The following CCDC187 variants were observed in gnomAD, a reference collection of about 807,000 sequenced individuals.
The protein encoded by CCDC187 is coiled-coil domain-containing protein 187.
A neutral mutation model predicts 38.0 loss-of-function variants in CCDC187; 32 were observed. That is an observed-to-expected ratio of 0.84 (90% CI 0.64 to 1.13). The LOEUF (loss-of-function observed/expected upper bound fraction) is 1.13. CCDC187 is among the 50% of genes most tolerant of loss of function. CCDC187 has a pLI of 0.00. For synonymous variants in CCDC187, 333 were observed against 347.9 expected (o/e 0.96, Z 0.48); for missense variants, 707 against 786.8 (o/e 0.90, Z 1.21).
chr9:136,273,235 T>C (rs953752178), intron 14 of CCDC187, among the ~76,000 whole-genome samples: 1 of 152,222 alleles, frequency 6.6e-6, no homozygotes, highest in African/African-American at 2.4e-5. Flanking sequence ...GCCAGATTGA[T>C]TTTTTTAAGC....
Position 136,257,373 on chromosome 9 carries a change from A to ATTT in CCDC187, c.4367-533_4367-532insAAA, listed in dbSNP as rs1830625524. ...GGGAGAGAGTGAGACTTTGTCTCAA[A>ATTT]ATTATAATAATAATAATAATAATAA... On this transcript the variant is annotated intron_variant, in intron 22 of 25. Coordinates refer to ENST00000638797, the MANE Select transcript of CCDC187 (RefSeq NM_001378188.1). This position sits in a 1 kb window ranked among gnomAD's most constrained non-coding sequence, Gnocchi z 4.5. Among the ~76,000 whole-genome samples, 1 of 97,734 alleles carries ATTT rather than the reference A, an allele frequency of 1.0e-5. No homozygotes were observed. The highest frequency in any genetic ancestry group is 3.5e-5 in the African/African-American group (1 of 28,294). The allele number at this position is 97,734 out of a possible 152,430, so 64.1% of individuals were successfully genotyped here.
At chr9:136,293,342 C>CATGCTCACACACAT (rs1831404387) in intron 4 of CCDC187, among the ~76,000 whole-genome samples, 1 of 147,864 alleles carries the variant, frequency 6.8e-6, no homozygotes, top group African/African-American at 2.5e-5. Flanking sequence ...CACACTCACA[C>CATGCTCACACACAT]TCACATGCTC....
In CCDC187 at chr9:136,286,631, C is replaced by A; in HGVS notation, c.2287G>T (p.Gly763Cys). The change falls in exon 8 of 26, where the codon GGC becomes TGC. Residue 763 changes from glycine (G) to cysteine (C), a missense_variant. Coordinates refer to ENST00000638797, the MANE Select transcript of CCDC187 (RefSeq NM_001378188.1). ...GGGGCATCCCGGCCATCTTGGGGGC[C>A]CCCCATCCCTGGGGGATCTAGGGTC... The part of the protein sequence containing the change: ...AETLDPPGMG[G>C]PQDGRDAPVL... 2.5e-6 allele frequency: 1 copy of A among 398,762 alleles called. No homozygotes were observed. Among genetic ancestry groups the A allele is most frequent in the Non-Finnish European group, 4.4e-6 (1 of 226,192 alleles). The allele number at this position is 398,762 out of a possible 1,614,324, so 24.7% of individuals were successfully genotyped here.
rs1831415740 is a variant in CCDC187 at position 136,293,404 on chromosome 9, A to ACATGCTCACAC, written c.833-1110_833-1109insGTGTGAGCATG. ...ACACTCACATGCTCACACACTCACA[A>ACATGCTCACAC]ACACTCACATGCTCACATACTCTCA... is the stretch of plus-strand genomic sequence containing the variant. On this transcript the variant is annotated intron_variant, in intron 4 of 25. Transcript: ENST00000638797. 1.0e-3 allele frequency among the ~76,000 whole-genome samples: 55 copies of ACATGCTCACAC among 52,974 alleles called. 1 individual carries two copies. The highest frequency in any genetic ancestry group is 4.0e-3 in the African/African-American group (53 of 13,302). The allele number at this position is 52,974 out of a possible 152,430, so 34.8% of individuals were successfully genotyped here.
chr9:136,292,759 G>A (rs969440834), intron 4 of CCDC187, among the ~76,000 whole-genome samples: 34 of 152,174 alleles, frequency 2.2e-4, no homozygotes, highest in Non-Finnish European at 4.6e-4. Flanking sequence ...TCCTGTCACC[G>A]CTGGCCACGT....
chr9:136,260,848 A>G (rs77582558), intron 19 of CCDC187, among the ~76,000 whole-genome samples: 2,730 of 152,190 alleles, frequency 0.018, 69 homozygotes, highest in East Asian at 0.098. Flanking sequence ...GATGCAGCTG[A>G]GGGGCTGCAG....
chr9:136,274,435 C>T (rs1273518532), intron 14 of CCDC187, among the ~76,000 whole-genome samples: 3 of 152,248 alleles, frequency 2.0e-5, no homozygotes, highest in Admixed American at 6.5e-5. Context: ...CGGGCTCAAG[C>T]GATGCCAGGG....
chr9:136,255,459 A>G (rs2131105441), intron 25 of CCDC187, among the ~76,000 whole-genome samples, 198 bp downstream of exon 25: 1 of 152,324 alleles, frequency 6.6e-6, no homozygotes, highest in Admixed American at 6.5e-5. Flanking sequence ...GGATCCAGAC[A>G]GAGGATCCCT....
chr9:136,268,690 T>TAC (rs1554761983), intron 14 of CCDC187, among the ~76,000 whole-genome samples: 1 of 152,156 alleles, frequency 6.6e-6, no homozygotes, highest in African/African-American at 2.4e-5. Flanking sequence ...ATCACGTAAA[T>TAC]ACACACACAC....
intron 10 of CCDC187, among the ~76,000 whole-genome samples, chr9:136,279,968 G>T (rs1831007476): frequency 6.6e-6 from 1 of 152,056 alleles, no homozygotes; most frequent in Non-Finnish European, 1.5e-5. Flanking sequence ...CAGCAAGAAG[G>T]CCCTTGCCAG....
intron 7 of CCDC187, among the ~76,000 whole-genome samples, chr9:136,289,159 C>G (rs932543061): frequency 1.3e-5 from 2 of 152,216 alleles, no homozygotes; most frequent in Non-Finnish European, 2.9e-5. Flanking sequence ...GCCTGGAAAA[C>G]GTTATCCTCG....
chr9:136,292,311 C>T lies in CCDC187; in HGVS notation c.833-16G>A. On this transcript the variant is annotated splice_polypyrimidine_tract_variant and intron_variant, in intron 4 of 25. Coordinates refer to ENST00000638797, the MANE Select transcript of CCDC187 (RefSeq NM_001378188.1). ...AGCTCCGAATCTTAAACAGAGAAAACATACACACAGCCGGGCGCCCCATGG... is the reference window on the plus strand; with the variant it reads ...AGCTCCGAATCTTAAACAGAGAAAATATACACACAGCCGGGCGCCCCATGG... 2.5e-6 allele frequency: 1 copy of T among 398,688 alleles called. No individual in the cohort carries two copies. The highest frequency in any genetic ancestry group is 4.4e-6 in the Non-Finnish European group (1 of 226,098). 24.7% of individuals were successfully genotyped at this position (398,688 alleles called of 1,614,324 possible).
chr9:136,292,861 G>A (rs1236060589), intron 4 of CCDC187, among the ~76,000 whole-genome samples: 1 of 152,218 alleles, frequency 6.6e-6, no homozygotes, highest in Non-Finnish European at 1.5e-5. Context: ...GGCTGGCAGG[G>A]CAGGGAGTCC....
At chr9:136,294,891 G>C (rs941946967) in intron 4 of CCDC187, among the ~76,000 whole-genome samples, 3 of 152,214 alleles carry the variant, frequency 2.0e-5, no homozygotes, top group Non-Finnish European at 4.4e-5. Context: ...TTTAGGGCGT[G>C]GTCTCAGGAT....
Position 136,262,429 on chromosome 9 carries a change from C to G in CCDC187, c.3946G>C (p.Gly1316Arg). Residue 1316 changes from glycine to arginine, a missense_variant, in exon 19 of 26, where the codon GGA (glycine) becomes CGA (arginine). Coordinates refer to ENST00000638797, the MANE Select transcript of CCDC187 (RefSeq NM_001378188.1). ...SSPKVKAAWEGGSETSQQPEA... is the reference protein window; with the variant it reads ...SSPKVKAAWERGSETSQQPEA... ...GGCTGCTGGCTTGTCTCTGAGCCTC[C>G]CTCCCAGGCGGCCTTGACTTTGGGG... 1.0e-6 allele frequency: 1 copy of G among 985,968 alleles called. No individual in the cohort carries two copies. Among genetic ancestry groups the G allele is most frequent in the Middle Eastern group, 5.2e-4 (1 of 1,914 alleles). 61.1% of individuals were successfully genotyped at this position (985,968 alleles called of 1,614,324 possible). A position where few individuals can be genotyped will look rare whatever the true frequency, so the allele number is the denominator to read the frequency against.
At chr9:136,305,121 G>A (rs1377177622), upstream of CCDC187, among the ~76,000 whole-genome samples, 6 of 152,240 alleles carry the variant, frequency 3.9e-5, no homozygotes, top group Admixed American at 3.9e-4. Context: ...TCGGAGGGGA[G>A]GGAGAGAGGA....
Position 136,253,858 on chromosome 9 carries a change from G to T in CCDC187, c.5970C>A (p.Pro1990=). ...AGDVLTEILS[P]VDELLSYGSA... ...TGCCGTAGGACAGCAACTCGTCCAC[G>T]GGAGACAGGATCTCAGTCAAGACGT... Residue 1990 remains proline, a synonymous_variant, in exon 26 of 26, where the codon CCC becomes CCA. Coordinates refer to ENST00000638797, the MANE Select transcript of CCDC187 (RefSeq NM_001378188.1). 1.0e-6 allele frequency: 1 copy of T among 985,282 alleles called. No homozygotes were observed. 61.0% of individuals were successfully genotyped at this position (985,282 alleles called of 1,614,324 possible).
At chr9:136,297,882 G>GC (rs1453653252) in intron 3 of CCDC187, 61 bp from the exon 4 acceptor site, 3 of 395,410 alleles carry the variant, frequency 7.6e-6, no homozygotes, top group Admixed American at 4.4e-5. Context: ...TGACACACGG[G>GC]CCCCCCACGT....
chr9:136,293,361 T>TAACA (rs1831407933), intron 4 of CCDC187, among the ~76,000 whole-genome samples: 2 of 95,722 alleles, frequency 2.1e-5, no homozygotes, highest in South Asian at 7.3e-4. Flanking sequence ...TCACACACAT[T>TAACA]CACATGCTCA....
Sources: gnomAD v4.1 joint callset for allele counts (sites outside exome capture counted in the v4.1 genomes callset) on GRCh38, gnomAD v4.1.1 for gene constraint, Gnocchi (gnomAD v3.1) non-coding constraint, MANE v1.5 for transcripts, NCBI Gene and HGNC (gene_info 2026-07-23, HGNC 2026-07-21) for gene names.